BANK1: variants seen among roughly 807,000 people sequenced by gnomAD.
BANK1 encodes B-cell scaffold protein with ankyrin repeats.
In BANK1, 95 loss-of-function variants were observed where a neutral mutation model predicts 94.5. The observed-to-expected ratio is 1.00, with a 90% CI of 0.85 to 1.19. The LOEUF (loss-of-function observed/expected upper bound fraction) is 1.19, where lower values mean the gene tolerates loss of function less well. Among genes scored for constraint, BANK1 ranks in the 50% most tolerant of loss-of-function variants. BANK1 has a pLI of 0.00. For missense variants in BANK1, 987 were observed against 932.2 expected (o/e 1.06, Z -0.77); for synonymous variants, 334 against 308.4 (o/e 1.08, Z -0.87).
At chr4:101,834,420 A>C (rs900999905) in intron 2 of BANK1, among the ~76,000 whole-genome samples, 3 of 152,202 alleles carry the variant, frequency 2.0e-5, no homozygotes, top group African/African-American at 4.8e-5. Flanking sequence ...CAAGAATGCA[A>C]CCAGAAGCAT....
intron 7 of BANK1, among the ~76,000 whole-genome samples, 192 bp downstream of exon 7, chr4:101,918,381 C>T (rs1722899790): frequency 6.6e-6 from 1 of 151,740 alleles, no homozygotes; most frequent in Non-Finnish European, 1.5e-5. Flanking sequence ...AAAAGTCTAC[C>T]CAATAAAAAG....
At chr4:101,910,996 C>T (rs1040255302) in intron 6 of BANK1, among the ~76,000 whole-genome samples, 2 of 152,164 alleles carry the variant, frequency 1.3e-5, no homozygotes, top group Non-Finnish European at 2.9e-5. Context: ...ACTTAACATG[C>T]GTTTTGCTTA....
At chr4:101,900,763 T>A (rs1237650941) in intron 6 of BANK1, among the ~76,000 whole-genome samples, 1 of 152,246 alleles carries the variant, frequency 6.6e-6, no homozygotes, top group African/African-American at 2.4e-5. Context: ...CTACTTTGGC[T>A]ATGTTAATTA....
intron 13 of BANK1, among the ~76,000 whole-genome samples, chr4:102,069,132 T>C (rs1351507696): frequency 1.3e-5 from 2 of 152,146 alleles, no homozygotes; most frequent in Non-Finnish European, 2.9e-5. Context: ...AAATCAGTTA[T>C]AATTAAGGAA....
At chr4:101,943,677 G>A (rs1384670766) in intron 7 of BANK1, among the ~76,000 whole-genome samples, 1 of 151,862 alleles carries the variant, frequency 6.6e-6, no homozygotes, top group Non-Finnish European at 1.5e-5. Flanking sequence ...GTTCTGGGCT[G>A]CAAGTAGAGG....
chr4:101,850,745 T>C (rs1326970620), intron 2 of BANK1, among the ~76,000 whole-genome samples: 3 of 152,106 alleles, frequency 2.0e-5, no homozygotes, highest in Non-Finnish European at 4.4e-5. Context: ...TATTTCAAAC[T>C]TTTTTCATTA....
At chr4:101,813,993 C>T (rs572057330) in intron 1 of BANK1, 18 of 636,614 alleles carry the variant, frequency 2.8e-5, no homozygotes, top group Admixed American at 1.3e-4. Flanking sequence ...ACCATTGATA[C>T]GTATGATATA....
At chr4:102,000,348 A>C (rs528021559) in intron 7 of BANK1, among the ~76,000 whole-genome samples, 2 of 139,724 alleles carry the variant, frequency 1.4e-5, no homozygotes, top group Non-Finnish European at 3.1e-5. Context: ...AAAAAAAAAC[A>C]GTGAAAGAGA....
chr4:101,805,434 G>A (rs547185367), intron 1 of BANK1, among the ~76,000 whole-genome samples: 1 of 152,108 alleles, frequency 6.6e-6, no homozygotes, highest in African/African-American at 2.4e-5. Context: ...GTAGACATAA[G>A]CATGTTAATA....
chr4:101,837,203 C>G (rs180721216), intron 2 of BANK1, among the ~76,000 whole-genome samples: 4 of 152,248 alleles, frequency 2.6e-5, no homozygotes, highest in Admixed American at 2.6e-4. Context: ...TCAATTCTAT[C>G]AGTAAATGTG....
intron 6 of BANK1, among the ~76,000 whole-genome samples, chr4:101,910,366 A>G (rs544007831): frequency 5.1e-4 from 77 of 152,270 alleles, no homozygotes; most frequent in Non-Finnish European, 9.6e-4. Flanking sequence ...TTTTTATTCC[A>G]TCTGTGTCCT....
At chr4:102,007,418 G>C (rs1379243877) in intron 7 of BANK1, among the ~76,000 whole-genome samples, 1 of 151,340 alleles carries the variant, frequency 6.6e-6, no homozygotes. Flanking sequence ...AGTGCTAAAA[G>C]TTTAAATTCT....
chr4:101,885,290 G>A (rs1728813184), intron 5 of BANK1, among the ~76,000 whole-genome samples: 1 of 152,110 alleles, frequency 6.6e-6, no homozygotes, highest in South Asian at 2.1e-4. Flanking sequence ...ACAATTTTGG[G>A]GTGAATTAAA....
At chr4:101,870,409 G>T in intron 4 of BANK1, 96 bp from the exon 5 acceptor site, 1 of 1,171,676 alleles carries the variant, frequency 8.5e-7, no homozygotes. Context: ...AAAGTGTTAT[G>T]AATTTTTAAA....
At chr4:102,003,905 ATATG>A (rs1449582604) in intron 7 of BANK1, among the ~76,000 whole-genome samples, 1 of 151,542 alleles carries the variant, frequency 6.6e-6, no homozygotes, top group Non-Finnish European at 1.5e-5. Flanking sequence ...ATGTGTGTAT[ATATG>A]TATGTATACA....
chr4:101,855,896 T>C (rs890663083), intron 3 of BANK1, among the ~76,000 whole-genome samples: 1 of 152,190 alleles, frequency 6.6e-6, no homozygotes, highest in African/African-American at 2.4e-5. Flanking sequence ...TATATGTTCC[T>C]AGCATGTCTT....
rs563661948 is a variant in BANK1 at position 102,002,137 on chromosome 4, G to A, written c.1207-19377G>A. On this transcript the variant is annotated intron_variant, in intron 7 of 16. Transcript: ENST00000322953. ...ATTCTCATTTCATTTCCTGTAACAC[G>A]ACTGCTCCTCCTATATGTACCATCT... Among the ~76,000 whole-genome samples the A allele has an allele frequency of 1.5e-3, 224 of 152,226 alleles. 1 individual carries two copies. Among genetic ancestry groups the A allele is most frequent in the Middle Eastern group, 6.8e-3 (2 of 294 alleles).
intron 5 of BANK1, among the ~76,000 whole-genome samples, chr4:101,889,028 T>C (rs1424624895): frequency 6.6e-6 from 1 of 152,248 alleles, no homozygotes; most frequent in Non-Finnish European, 1.5e-5. Flanking sequence ...AATTCAGTTT[T>C]GTGTAATAAA....
intron 7 of BANK1, among the ~76,000 whole-genome samples, chr4:101,923,782 G>C (rs1578400864): frequency 6.6e-6 from 1 of 151,916 alleles, no homozygotes; most frequent in East Asian, 1.9e-4. Flanking sequence ...TCTTAGGCCA[G>C]AAAACCAAAT....
Sources: allele counts gnomAD v4.1 joint callset (sites outside exome capture counted in the v4.1 genomes callset), GRCh38; gene constraint gnomAD v4.1.1; transcripts MANE v1.5; gene names NCBI Gene and HGNC (gene_info 2026-07-23, HGNC 2026-07-21).